The following RAPGEF6 variants were observed in gnomAD, a reference collection of about 807,000 sequenced individuals.
RAPGEF6 encodes PDZ domain containing guanine nucleotide exchange factor (GEF) 2.
A neutral mutation model predicts 171.4 loss-of-function variants in RAPGEF6; 56 were observed. The ratio of observed to expected loss-of-function variants is 0.33; its 90% confidence interval spans 0.26 to 0.41. The LOEUF is 0.41. Among genes scored for constraint, RAPGEF6 ranks in the 10% least tolerant of loss-of-function variants. The pLI, the probability that RAPGEF6 is intolerant of heterozygous loss-of-function variation, is 1.00. For missense variants in RAPGEF6, 1,674 were observed against 1,921.4 expected (o/e 0.87, Z 2.41); for synonymous variants, 692 against 650.1 (o/e 1.06, Z -0.98).
chr5:131,530,381 A>G (rs2149923801), intron 6 of RAPGEF6, among the ~76,000 whole-genome samples: 1 of 152,242 alleles, frequency 6.6e-6, no homozygotes, highest in Admixed American at 6.5e-5. Flanking sequence ...TTCTTCCCCA[A>G]CCCCCAGTAG....
In RAPGEF6 at chr5:131,529,153, G is replaced by GAA. The variant is rs111967742; in HGVS notation, c.496-7634_496-7633dup. ...TTGATTTCTCTCTAGAGAGACCACG[G>GAA]AAAAAAAAAAAAAAAGAGTTGCAAT... is the stretch of plus-strand genomic sequence containing the variant. On this transcript the variant is annotated intron_variant, in intron 6 of 27. Coordinates refer to ENST00000509018, the MANE Select transcript of RAPGEF6 (RefSeq NM_016340.6). Among the ~76,000 whole-genome samples the GAA allele has an allele frequency of 5.8e-3, 769 of 132,536 alleles. 16 individuals are homozygous for GAA. Among genetic ancestry groups the GAA allele is most frequent in the African/African-American group, 0.02 (740 of 36,500 alleles). 86.9% of individuals were successfully genotyped at this position (132,536 alleles called of 152,430 possible). A position where few individuals can be genotyped will look rare whatever the true frequency, so the allele number is the denominator to read the frequency against.
At chr5:131,577,897 C>T (rs1490946433) in intron 4 of RAPGEF6, among the ~76,000 whole-genome samples, 3 of 152,160 alleles carry the variant, frequency 2.0e-5, no homozygotes. Flanking sequence ...TCGTCCTTAC[C>T]CTACTTTTTG....
intron 1 of RAPGEF6, among the ~76,000 whole-genome samples, chr5:131,620,258 C>T (rs1033280348): frequency 6.6e-6 from 1 of 152,102 alleles, no homozygotes; most frequent in Non-Finnish European, 1.5e-5. Context: ...TTAGGAATAC[C>T]TTCCACATCC....
intron 4 of RAPGEF6, among the ~76,000 whole-genome samples, chr5:131,566,581 T>C (rs1450503211): frequency 6.6e-6 from 1 of 152,200 alleles, no homozygotes; most frequent in Non-Finnish European, 1.5e-5. Context: ...GCAGTAATAC[T>C]GGACTAACAG....
chr5:131,594,510 C>A (rs1233110561), intron 3 of RAPGEF6, among the ~76,000 whole-genome samples: 3 of 152,196 alleles, frequency 2.0e-5, no homozygotes, highest in South Asian at 4.1e-4. Context: ...GGGGTTGGAG[C>A]CCCCACACAG....
At chr5:131,427,352 CTAGT>C (rs1399622876) in intron 27 of RAPGEF6, 61 bp from the exon 28 acceptor site, 1 of 1,364,384 alleles carries the variant, frequency 7.3e-7, no homozygotes, top group Non-Finnish European at 1.0e-6. Context: ...TCCTAATAAT[CTAGT>C]TATCTATTTA....
intron 1 of RAPGEF6, among the ~76,000 whole-genome samples, chr5:131,605,323 A>G (rs925430889): frequency 2.6e-5 from 4 of 152,222 alleles, no homozygotes; most frequent in Admixed American, 6.5e-5. Flanking sequence ...AAGAAAGTGG[A>G]AAGAGTCTAT....
chr5:131,427,340 G>T (rs775593334), intron 27 of RAPGEF6, 49 bp from the exon 28 acceptor site: 3 of 1,448,096 alleles, frequency 2.1e-6, no homozygotes, highest in Non-Finnish European at 2.9e-6. Flanking sequence ...ATATTAATGA[G>T]ATCCTAATAA....
chr5:131,602,502 T>C (rs933623396), intron 3 of RAPGEF6, among the ~76,000 whole-genome samples: 11 of 152,190 alleles, frequency 7.2e-5, no homozygotes, highest in African/African-American at 2.4e-4. Context: ...GGCTCACACC[T>C]GTAATTCCAG....
Position 131,461,816 on chromosome 5 carries a change from A to G in RAPGEF6, c.2753T>C (p.Ile918Thr). Reference protein sequence around the residue: ...NQETFWVASEILTEANQLKRM... With the variant: ...NQETFWVASETLTEANQLKRM... ...TTTGAGCTGATTTGCTTCAGTTAAA[A>G]TTTCTGAGGCAACCCAGAATGTCTC... is the stretch of plus-strand genomic sequence containing the variant. Residue 918 changes from isoleucine (I) to threonine (T), a missense_variant, in exon 19 of 28, where the codon ATT (isoleucine) becomes ACT (threonine). Physicochemically the swap from Ile to Thr is moderately conservative, Grantham distance 89 (BLOSUM62 -1). Coordinates refer to ENST00000509018, the MANE Select transcript of RAPGEF6 (RefSeq NM_016340.6). 1 of 1,613,916 alleles carries G rather than the reference A, an allele frequency of 6.2e-7. No individual in the cohort carries two copies. The highest frequency in any genetic ancestry group is 8.5e-7 in the Non-Finnish European group (1 of 1,179,808).
chr5:131,479,831 A>G (rs1031777779), intron 15 of RAPGEF6, 78 bp from the exon 16 acceptor site: 20 of 1,423,748 alleles, frequency 1.4e-5, no homozygotes, highest in Non-Finnish European at 1.8e-5. Context: ...TTTTAAGGAT[A>G]AACACAGTGA....
intron 25 of RAPGEF6, among the ~76,000 whole-genome samples, chr5:131,432,620 C>T (rs1435462260): frequency 1.3e-5 from 2 of 150,706 alleles, no homozygotes; most frequent in Non-Finnish European, 2.9e-5. Flanking sequence ...CTCTGTCTCA[C>T]AGAGCGAGAC....
chr5:131,569,797 T>A (rs1383503672), intron 4 of RAPGEF6, among the ~76,000 whole-genome samples: 1 of 152,056 alleles, frequency 6.6e-6, no homozygotes, highest in East Asian at 1.9e-4. Context: ...TCCCAGCACT[T>A]TGGGAGGCTG....
intron 17 of RAPGEF6, among the ~76,000 whole-genome samples, chr5:131,467,859 C>T (rs1043939488): frequency 2.0e-5 from 3 of 151,928 alleles, no homozygotes; most frequent in East Asian, 1.9e-4. Flanking sequence ...TGGAGAAGCC[C>T]GCCTCCACAA....
intron 4 of RAPGEF6, among the ~76,000 whole-genome samples, chr5:131,586,630 T>C (rs1440338633): frequency 6.9e-6 from 1 of 145,482 alleles, no homozygotes; most frequent in Non-Finnish European, 1.5e-5. Context: ...GACTCTATCT[T>C]AAAAAAAAAA....
chr5:131,429,307 A>G, intron 26 of RAPGEF6, 91 bp from the exon 27 acceptor site: 1 of 1,124,836 alleles, frequency 8.9e-7, no homozygotes, highest in Non-Finnish European at 1.2e-6. Context: ...ATGACAAAAT[A>G]CAACTTAAAA....
chr5:131,599,948 G>T (rs1170672603), intron 3 of RAPGEF6, among the ~76,000 whole-genome samples: 2 of 152,154 alleles, frequency 1.3e-5, no homozygotes, highest in African/African-American at 4.8e-5. Context: ...CATGGATAAA[G>T]TCTCAGACCC....
intron 6 of RAPGEF6, among the ~76,000 whole-genome samples, chr5:131,524,515 C>A (rs1177558950): frequency 1.4e-5 from 2 of 147,690 alleles, no homozygotes; most frequent in African/African-American, 5.0e-5. Context: ...ATAGACCATG[C>A]AAACACAACC....
chr5:131,628,889 C>T (rs1017397692), intron 1 of RAPGEF6, among the ~76,000 whole-genome samples: 6 of 152,146 alleles, frequency 3.9e-5, no homozygotes, highest in African/African-American at 1.4e-4. Flanking sequence ...ACTGATGAGA[C>T]CCACTGCTCA....
Sources: allele counts gnomAD v4.1 joint callset (sites outside exome capture counted in the v4.1 genomes callset), GRCh38; gene constraint gnomAD v4.1.1; transcripts MANE v1.5; gene names NCBI Gene and HGNC (gene_info 2026-07-23, HGNC 2026-07-21).